DIP2C: variants seen among roughly 807,000 people sequenced by gnomAD.
DIP2C encodes the protein DIP2 acetate--CoA ligase C (putative).
Under a neutral mutation model 192.4 loss-of-function variants are expected in DIP2C, and 33 were observed. The ratio of observed to expected loss-of-function variants is 0.17; its 90% CI spans 0.13 to 0.23. The LOEUF is 0.23. Among genes scored for constraint, DIP2C ranks in the 10% least tolerant of loss-of-function variants. The probability of loss-of-function intolerance (pLI) is 1.00; values close to 1 mark genes in which losing one functional copy is unlikely to be tolerated. For missense variants in DIP2C, 1,537 were observed against 2,110.1 expected, an observed-to-expected ratio of 0.73 and a Z score of 5.32; for synonymous variants, 979 against 864.1, an observed-to-expected ratio of 1.13 and a Z score of -2.33.
At chr10:340,644 G>C in intron 29 of DIP2C, 1 of 408,450 alleles carries the variant, frequency 2.4e-6, no homozygotes, top group Non-Finnish European at 5.0e-6. Flanking sequence ...AAAAAGCCAA[G>C]AAACATCCAT....
chr10:604,911 C>T (rs1014859985), intron 1 of DIP2C, among the ~76,000 whole-genome samples: 8 of 152,204 alleles, frequency 5.3e-5, no homozygotes, highest in African/African-American at 1.9e-4. Context: ...TCAGAAGTGG[C>T]TATGGTGCTT....
chr10:503,832 C>A (rs546391048), intron 1 of DIP2C, among the ~76,000 whole-genome samples: 2 of 152,316 alleles, frequency 1.3e-5, no homozygotes, highest in South Asian at 2.1e-4. Context: ...GTTCTATATA[C>A]ACCTGAAAAT....
chr10:338,542 G>GCA (rs1301673495), intron 29 of DIP2C, among the ~76,000 whole-genome samples: 1 of 151,964 alleles, frequency 6.6e-6, no homozygotes, highest in Non-Finnish European at 1.5e-5. Flanking sequence ...AGCATTCAGT[G>GCA]CACTAACACG....
chr10:336,884 A>C (rs1957798420), intron 29 of DIP2C, among the ~76,000 whole-genome samples: 1 of 103,816 alleles, frequency 9.6e-6, no homozygotes, highest in Admixed American at 1.1e-4. Context: ...CGTGTTGTGG[A>C]GGCCTAGGCA....
chr10:555,360 G>T (rs775140180), intron 1 of DIP2C, among the ~76,000 whole-genome samples: 1 of 152,016 alleles, frequency 6.6e-6, no homozygotes, highest in African/African-American at 2.4e-5. Context: ...GGACAACATC[G>T]TGCGTCGGAA....
At chr10:629,387 GAC>G in intron 1 of DIP2C, among the ~76,000 whole-genome samples, 1 of 152,144 alleles carries the variant, frequency 6.6e-6, no homozygotes, top group Admixed American at 6.5e-5. Context: ...GAGCCCCCTG[GAC>G]ACACAGACAC....
At chr10:315,906 A>G (rs1222559059) in intron 31 of DIP2C, among the ~76,000 whole-genome samples, 2 of 152,150 alleles carry the variant, frequency 1.3e-5, no homozygotes, top group Non-Finnish European at 2.9e-5. Context: ...TCAGACTTCA[A>G]GTTCATTCAA....
intron 1 of DIP2C, among the ~76,000 whole-genome samples, chr10:588,411 C>A (rs1356802815): frequency 3.3e-5 from 5 of 152,236 alleles, no homozygotes; most frequent in African/African-American, 4.8e-5. Flanking sequence ...TTGGGAGATT[C>A]CATCTCCGGG....
chr10:597,750 T>G (rs1447452035), intron 1 of DIP2C, among the ~76,000 whole-genome samples: 1 of 152,192 alleles, frequency 6.6e-6, no homozygotes, highest in African/African-American at 2.4e-5. Flanking sequence ...CATGTTTTTA[T>G]ACAAAATAAG....
chr10:548,210 C>A lies in DIP2C; in HGVS notation c.86-61680G>T, dbSNP rs1418549084. Among the ~76,000 whole-genome samples the A allele has an allele frequency of 1.9e-5, 2 of 103,540 alleles. 1 individual carries two copies. The allele number at this position is 103,540 out of a possible 152,430, so 67.9% of individuals were successfully genotyped here. On this transcript the variant is annotated intron_variant, in intron 1 of 36. Transcript: ENST00000280886. ...TCCAATTCACACGAGTCTGCCCCAC[C>A]CCCCCCCCCACAGGAAAGCCCTGGT...
chr10:414,419 A>G (rs1965402180), intron 7 of DIP2C, among the ~76,000 whole-genome samples: 1 of 152,228 alleles, frequency 6.6e-6, no homozygotes, highest in Non-Finnish European at 1.5e-5. Context: ...TCAAACAGCC[A>G]TGCTGAAATT....
intron 1 of DIP2C, among the ~76,000 whole-genome samples, chr10:552,080 C>T (rs895912549): frequency 6.6e-6 from 1 of 152,234 alleles, no homozygotes; most frequent in South Asian, 2.1e-4. Context: ...GAGCCAGACT[C>T]AGTCTGCAAT....
intron 1 of DIP2C, among the ~76,000 whole-genome samples, chr10:607,628 G>C (rs563639877): frequency 1.3e-5 from 2 of 152,064 alleles, no homozygotes; most frequent in African/African-American, 4.8e-5. Flanking sequence ...GACTTACAAC[G>C]GGTTCATCCA....
intron 2 of DIP2C, among the ~76,000 whole-genome samples, chr10:475,981 C>T (rs1374118281): frequency 2.0e-5 from 3 of 152,192 alleles, no homozygotes; most frequent in East Asian, 1.9e-4. Context: ...TGCAGCATAC[C>T]GCTCTGCGCT....
intron 1 of DIP2C, among the ~76,000 whole-genome samples, chr10:560,412 AAGT>A (rs1849143597): frequency 6.6e-6 from 1 of 152,164 alleles, no homozygotes; most frequent in South Asian, 2.1e-4. Context: ...TGTCACTGTT[AAGT>A]AGGAGTCCAT....
intron 3 of DIP2C, among the ~76,000 whole-genome samples, chr10:454,009 A>G (rs1255863367): frequency 6.6e-6 from 1 of 152,208 alleles, no homozygotes; most frequent in Admixed American, 6.5e-5. Flanking sequence ...ACACAACTCA[A>G]CAGAATTTGC....
At chr10:378,071 G>A (rs146628545) in intron 17 of DIP2C, among the ~76,000 whole-genome samples, 41 of 152,232 alleles carry the variant, frequency 2.7e-4, no homozygotes, top group African/African-American at 9.9e-4. Context: ...ACAGTTTCCT[G>A]GTTTTCGCCT....
chr10:561,513 T>C (rs1000537027), intron 1 of DIP2C, among the ~76,000 whole-genome samples: 4 of 152,160 alleles, frequency 2.6e-5, no homozygotes, highest in African/African-American at 9.7e-5. Flanking sequence ...CCTCAAGGCT[T>C]TTGGCTGTTG....
intron 1 of DIP2C, among the ~76,000 whole-genome samples, chr10:617,274 C>A (rs1853534861): frequency 6.6e-6 from 1 of 151,764 alleles, no homozygotes; most frequent in South Asian, 2.1e-4. Context: ...CTGCAAATAG[C>A]AGCGGGGTAA....
Sources: allele counts gnomAD v4.1 joint callset (sites outside exome capture counted in the v4.1 genomes callset), GRCh38; gene constraint gnomAD v4.1.1; transcripts MANE v1.5; gene names NCBI Gene and HGNC (gene_info 2026-07-23, HGNC 2026-07-21).